LRRTM4: variants seen among roughly 807,000 people sequenced by gnomAD.
LRRTM4 encodes the protein leucine-rich repeat transmembrane neuronal protein 4.
In LRRTM4, 25 loss-of-function variants were observed where a neutral mutation model predicts 47.6. The ratio of observed to expected loss-of-function variants is 0.53; its 90% CI spans 0.38 to 0.73. The LOEUF (loss-of-function observed/expected upper bound fraction) is 0.73. Ranked by LOEUF, LRRTM4 falls within the 30% of genes least tolerant of loss-of-function variation. LRRTM4 has a pLI of 0.00. For missense variants in LRRTM4, 638 were observed against 713.4 expected (o/e 0.89, Z 1.20); for synonymous variants, 311 against 269.5 (o/e 1.15, Z -1.51).
intron 3 of LRRTM4, among the ~76,000 whole-genome samples, chr2:76,974,193 T>TATATACATATATATATACATATATATAC: frequency 8.4e-6 from 1 of 119,600 alleles, no homozygotes; most frequent in African/African-American, 4.1e-5. Flanking sequence ...CATACATATA[T>TATATACATATATATATACATATATATAC]ATACATATAT....
chr2:77,106,337 A>G (rs776475395), intron 3 of LRRTM4, among the ~76,000 whole-genome samples: 1 of 152,208 alleles, frequency 6.6e-6, no homozygotes, highest in Non-Finnish European at 1.5e-5. Context: ...TGTTACATCT[A>G]CAGAATTTAG....
At chr2:77,083,822 T>TTTTTTTTTTTTTTTTTTTTTTC (rs1558569872) in intron 3 of LRRTM4, among the ~76,000 whole-genome samples, 1 of 119,838 alleles carries the variant, frequency 8.3e-6, no homozygotes, top group Non-Finnish European at 1.6e-5. Flanking sequence ...TTTTTTTTTT[T>TTTTTTTTTTTTTTTTTTTTTTC]CAGACGGAGT....
chr2:76,802,070 G>T (rs1260879780), intron 3 of LRRTM4, among the ~76,000 whole-genome samples: 3 of 152,056 alleles, frequency 2.0e-5, no homozygotes, highest in Admixed American at 1.3e-4. Context: ...ACAAGACAAG[G>T]ATGCCCACTA....
chr2:77,346,700 A>G (rs1479434222), intron 3 of LRRTM4, among the ~76,000 whole-genome samples: 3 of 152,146 alleles, frequency 2.0e-5, no homozygotes, highest in Non-Finnish European at 4.4e-5. Flanking sequence ...AATTAATTTT[A>G]ACATTGTTTA....
At chr2:76,806,681 AAAGAG>A (rs1558666708) in intron 3 of LRRTM4, among the ~76,000 whole-genome samples, 1 of 152,160 alleles carries the variant, frequency 6.6e-6, no homozygotes, top group Admixed American at 6.5e-5. Flanking sequence ...GTAATACTGA[AAAGAG>A]AAGTTAAAAA....
At chr2:77,064,683 G>T (rs542620186) in intron 3 of LRRTM4, among the ~76,000 whole-genome samples, 1 of 152,292 alleles carries the variant, frequency 6.6e-6, no homozygotes, top group South Asian at 2.1e-4. Flanking sequence ...CCCACAAGAT[G>T]AATGGTATCT....
At chr2:76,779,060 G>C (rs919422258) in intron 3 of LRRTM4, among the ~76,000 whole-genome samples, 2 of 141,844 alleles carry the variant, frequency 1.4e-5, no homozygotes, top group African/African-American at 5.4e-5. Flanking sequence ...TTTCCATGTA[G>C]TTGAGTGGTT....
intron 3 of LRRTM4, among the ~76,000 whole-genome samples, chr2:77,180,091 A>G (rs1420995274): frequency 6.6e-6 from 1 of 152,168 alleles, no homozygotes; most frequent in Non-Finnish European, 1.5e-5. Flanking sequence ...AATGTATAAG[A>G]AGTTAGAATC....
intron 3 of LRRTM4, among the ~76,000 whole-genome samples, chr2:77,075,281 T>A (rs532473582): frequency 2.0e-5 from 3 of 152,346 alleles, no homozygotes; most frequent in Middle Eastern, 3.4e-3. Flanking sequence ...CTATTATTTC[T>A]ACAACTTGTA....
At chr2:76,775,214 T>C (rs181062727) in intron 3 of LRRTM4, among the ~76,000 whole-genome samples, 36 of 152,354 alleles carry the variant, frequency 2.4e-4, no homozygotes, top group African/African-American at 8.4e-4. Context: ...TTGCAATTTT[T>C]TCTGTAAGTA....
At chr2:76,935,099 C>G (rs775446246) in intron 3 of LRRTM4, among the ~76,000 whole-genome samples, 5 of 152,038 alleles carry the variant, frequency 3.3e-5, no homozygotes, top group African/African-American at 1.2e-4. Context: ...GGTCTCAATA[C>G]AAGCCTATTA....
chr2:77,426,871 A>G (rs550799151), intron 3 of LRRTM4, among the ~76,000 whole-genome samples: 14 of 152,118 alleles, frequency 9.2e-5, no homozygotes, highest in African/African-American at 3.4e-4. Flanking sequence ...GGAGAGAAAG[A>G]GAGATAAAGA....
intron 3 of LRRTM4, among the ~76,000 whole-genome samples, chr2:76,888,579 A>T (rs892656342): frequency 6.6e-6 from 1 of 151,828 alleles, no homozygotes; most frequent in Non-Finnish European, 1.5e-5. Flanking sequence ...CAAGTAAAAA[A>T]ATTAATAGAT....
intron 3 of LRRTM4, among the ~76,000 whole-genome samples, chr2:77,088,885 T>G (rs1413906444): frequency 1.3e-5 from 2 of 152,140 alleles, no homozygotes; most frequent in African/African-American, 4.8e-5. Flanking sequence ...CTCTTTCTCC[T>G]TTCAATCTTG....
At chr2:77,063,649 ACT>A (rs1383829184) in intron 3 of LRRTM4, among the ~76,000 whole-genome samples, 3 of 151,976 alleles carry the variant, frequency 2.0e-5, no homozygotes, top group African/African-American at 7.3e-5. Flanking sequence ...AACCAAATCA[ACT>A]CTTTTTATAA....
At chr2:77,039,886 A>G (rs561019049) in intron 3 of LRRTM4, among the ~76,000 whole-genome samples, 2 of 151,146 alleles carry the variant, frequency 1.3e-5, no homozygotes, top group Non-Finnish European at 3.0e-5. Context: ...GCAAAAGGAA[A>G]CTTAGTAATT....
At chr2:76,789,645 C>T (rs1674866143) in intron 3 of LRRTM4, among the ~76,000 whole-genome samples, 2 of 152,138 alleles carry the variant, frequency 1.3e-5, no homozygotes. Context: ...ATGGTTCCCG[C>T]TCCCCATTTA....
intron 3 of LRRTM4, among the ~76,000 whole-genome samples, chr2:76,951,753 G>T (rs1271978434): frequency 6.6e-6 from 1 of 151,728 alleles, no homozygotes; most frequent in Non-Finnish European, 1.5e-5. Context: ...CATGCATTAG[G>T]TATTTGTCCT....
intron 3 of LRRTM4, among the ~76,000 whole-genome samples, chr2:76,868,976 T>G (rs1558702993): frequency 6.6e-6 from 1 of 152,130 alleles, no homozygotes; most frequent in African/African-American, 2.4e-5. Context: ...GTTAACAGCT[T>G]TATTTTACTT....
Sources: allele counts gnomAD v4.1 joint callset (sites outside exome capture counted in the v4.1 genomes callset), GRCh38; gene constraint gnomAD v4.1.1; transcripts MANE v1.5; gene names NCBI Gene and HGNC (gene_info 2026-07-23, HGNC 2026-07-21).